RPTOR: variants seen among roughly 807,000 people sequenced by gnomAD.
RPTOR encodes regulatory-associated protein of mTOR.
Under a neutral mutation model 169.9 loss-of-function variants are expected in RPTOR, and 21 were observed. The observed-to-expected ratio is 0.12, with a 90% confidence interval of 0.09 to 0.18. RPTOR has a LOEUF of 0.18. Ranked by LOEUF, RPTOR falls within the 10% of genes least tolerant of loss-of-function variation. The pLI is 1.00. For synonymous variants in RPTOR, 732 were observed against 753.2 expected (o/e 0.97, Z 0.46); for missense variants, 1,133 against 1,855.9 (o/e 0.61, Z 7.16).
chr17:80,864,562 A>T (rs1168426860), intron 13 of RPTOR, among the ~76,000 whole-genome samples: 1 of 152,242 alleles, frequency 6.6e-6, no homozygotes, highest in Non-Finnish European at 1.5e-5. Context: ...ATATTTCCAA[A>T]TGGAGGCAAA....
chr17:80,809,734 G>A (rs2067254137), intron 7 of RPTOR, among the ~76,000 whole-genome samples: 1 of 151,892 alleles, frequency 6.6e-6, no homozygotes, highest in Non-Finnish European at 1.5e-5. Context: ...TGTGGCTTGT[G>A]TTTTTATTTC....
rs147664999 is a variant in RPTOR at position 80,965,740 on chromosome 17, C to T, written c.*1410C>T. ...GCCTGGTCACATTTGGCCAGAGACA[C>T]ACCTGGCCCTCAGGGGGCTGAGCTG... On this transcript the variant is annotated 3_prime_UTR_variant, in exon 34 of 34. Transcript: ENST00000306801. 7.0e-4 allele frequency: 164 copies of T among 233,392 alleles called. No individual in the cohort carries two copies. Among genetic ancestry groups the T allele is most frequent in the African/African-American group, 3.5e-3 (157 of 45,464 alleles). The allele number at this position is 233,392 out of a possible 1,614,324, so 14.5% of individuals were successfully genotyped here.
At chr17:80,857,253 G>T (rs2067862767) in intron 12 of RPTOR, among the ~76,000 whole-genome samples, 1 of 152,218 alleles carries the variant, frequency 6.6e-6, no homozygotes, top group Non-Finnish European at 1.5e-5. Flanking sequence ...GGCAACCCCC[G>T]CTCCTCCCTG....
chr17:80,894,390 C>T (rs1292968779), intron 20 of RPTOR, among the ~76,000 whole-genome samples: 5 of 152,186 alleles, frequency 3.3e-5, no homozygotes, highest in African/African-American at 4.8e-5. Flanking sequence ...CTGTCATCCC[C>T]GCCCTGCTCA....
At chr17:80,684,310 T>C (rs1379019439) in intron 3 of RPTOR, among the ~76,000 whole-genome samples, 1 of 152,148 alleles carries the variant, frequency 6.6e-6, no homozygotes, top group Non-Finnish European at 1.5e-5. Context: ...GCTAGAGTCA[T>C]GTCATCTCCC....
Position 80,730,738 on chromosome 17 carries a change from G to A in RPTOR, c.654+32G>A, listed in dbSNP as rs1331822122. 3.2e-6 allele frequency: 5 copies of A among 1,576,586 alleles called. No homozygotes were observed. The African/African-American group carries it at 5.4e-5, about 17-fold the overall frequency. On this transcript the variant is annotated intron_variant, in intron 5 of 33. Coordinates refer to ENST00000306801, the MANE Select transcript of RPTOR (RefSeq NM_020761.3). The surrounding 1 kb of genome is among the most constrained non-coding windows in gnomAD (Gnocchi z 4.2). Reference sequence around the variant, plus strand: ...GCTCTGGTGCTTGGAGAGCGGTGCTGGGTTTGGTTTTGTTTTCCCTGGGGG... The same window carrying A: ...GCTCTGGTGCTTGGAGAGCGGTGCTAGGTTTGGTTTTGTTTTCCCTGGGGG...
rs149445321 is a variant in RPTOR at position 80,765,034 on chromosome 17, A to G, written c.830+10849A>G. Among the ~76,000 whole-genome samples, 798 of 152,386 alleles carry G rather than the reference A, an allele frequency of 5.2e-3. 3 individuals carry two copies. The highest frequency in any genetic ancestry group is 0.018 in the African/African-American group (769 of 41,588). ...CATTTAGTCAGAAAACAAAGATTAA[A>G]AAAACAAGAAAAATTAAATGTTTGC... On this transcript the variant is annotated intron_variant, in intron 6 of 33. Transcript: ENST00000306801.
intron 3 of RPTOR, among the ~76,000 whole-genome samples, chr17:80,700,820 A>ATGG (rs1277379813): frequency 0.025 from 112 of 4,512 alleles, 4 homozygotes; most frequent in African/African-American, 0.077. Flanking sequence ...GGTGATGGTG[A>ATGG]TGGTGGTGGT....
At chr17:80,942,496 G>A (rs980507847) in intron 25 of RPTOR, among the ~76,000 whole-genome samples, 1 of 151,970 alleles carries the variant, frequency 6.6e-6, no homozygotes, top group Admixed American at 6.6e-5. Flanking sequence ...ACCACCAAAT[G>A]AGGCCTCAAG....
chr17:80,939,504 C>T (rs1310561691), intron 24 of RPTOR, among the ~76,000 whole-genome samples: 2 of 152,244 alleles, frequency 1.3e-5, no homozygotes, highest in Non-Finnish European at 2.9e-5. Context: ...CTTTCTGAAG[C>T]TGTCTCATTA....
chr17:80,965,464 G>A lies in RPTOR; in HGVS notation c.*1134G>A, dbSNP rs763956224. 2.6e-5 allele frequency: 6 copies of A among 233,284 alleles called. No homozygotes were observed. The highest frequency in any genetic ancestry group is 5.1e-5 in the Non-Finnish European group (6 of 118,094). 14.5% of individuals were successfully genotyped at this position (233,284 alleles called of 1,614,324 possible). A position where few individuals can be genotyped will look rare whatever the true frequency, so the allele number is the denominator to read the frequency against. ...GCTGTGTGGACAGTCCCGCCCAGGAGGGGCCGCAGGGCGTGTATGAGCAGT... is the reference window on the plus strand; with the variant it reads ...GCTGTGTGGACAGTCCCGCCCAGGAAGGGCCGCAGGGCGTGTATGAGCAGT... On this transcript the variant is annotated 3_prime_UTR_variant, in exon 34 of 34. Coordinates refer to ENST00000306801, the MANE Select transcript of RPTOR (RefSeq NM_020761.3).
At chr17:80,696,763 G>GC (rs1027847565) in intron 3 of RPTOR, among the ~76,000 whole-genome samples, 9 of 152,142 alleles carry the variant, frequency 5.9e-5, no homozygotes, top group Admixed American at 2.6e-4. Context: ...GATCCAGCCA[G>GC]CCCCCCCAAG....
At chr17:80,733,036 A>T (rs2066405200) in intron 5 of RPTOR, among the ~76,000 whole-genome samples, 1 of 152,258 alleles carries the variant, frequency 6.6e-6, no homozygotes. Flanking sequence ...CAAATAATAA[A>T]CATTAACACA....
At chr17:80,837,892 C>T (rs772548754) in intron 9 of RPTOR, 30 bp from the exon 10 acceptor site, 1 of 1,597,932 alleles carries the variant, frequency 6.3e-7, no homozygotes, top group Non-Finnish European at 8.6e-7. Context: ...GTCCATAATG[C>T]TCAGTGGATT....
chr17:80,785,631 T>C (rs2066983555), intron 6 of RPTOR, among the ~76,000 whole-genome samples: 1 of 152,210 alleles, frequency 6.6e-6, no homozygotes, highest in Non-Finnish European at 1.5e-5. Flanking sequence ...GCGGCCAGGC[T>C]GGCAGAGAAC....
At chr17:80,940,408 G>A (rs1567999455) in intron 24 of RPTOR, 88 bp from the exon 25 acceptor site, 24 of 1,082,016 alleles carry the variant, frequency 2.2e-5, no homozygotes, top group Non-Finnish European at 3.0e-5. Context: ...TTTGCTATCC[G>A]AGGGGTCCTA....
intron 6 of RPTOR, among the ~76,000 whole-genome samples, chr17:80,779,686 C>T (rs546638152): frequency 6.6e-6 from 1 of 152,172 alleles, no homozygotes; most frequent in East Asian, 1.9e-4. Context: ...AGCGTCGCAA[C>T]CATAGACCAG....
intron 5 of RPTOR, among the ~76,000 whole-genome samples, chr17:80,731,967 C>T (rs2066396701): frequency 6.6e-6 from 1 of 152,096 alleles, no homozygotes; most frequent in African/African-American, 2.4e-5. Context: ...GAAAAAGGAT[C>T]CACATGCAAC....
chr17:80,914,343 C>T (rs759333279), intron 21 of RPTOR, among the ~76,000 whole-genome samples: 2 of 152,184 alleles, frequency 1.3e-5, no homozygotes, highest in African/African-American at 2.4e-5. Flanking sequence ...TCTTGGGGGC[C>T]GGGAGCAGGC....
Sources: gnomAD v4.1 joint callset for allele counts (sites outside exome capture counted in the v4.1 genomes callset) on GRCh38, gnomAD v4.1.1 for gene constraint, Gnocchi (gnomAD v3.1) non-coding constraint, MANE v1.5 for transcripts, NCBI Gene and HGNC (gene_info 2026-07-23, HGNC 2026-07-21) for gene names.